CFAP47: variants seen among roughly 807,000 people sequenced by gnomAD.
CFAP47 encodes the protein cilia- and flagella-associated protein 47.
Under a neutral mutation model 148.1 loss-of-function variants are expected in CFAP47, and 29 were observed. The observed-to-expected ratio is 0.20, with a 90% CI of 0.15 to 0.27. The LOEUF is 0.27. Among genes scored for constraint, CFAP47 ranks in the 10% least tolerant of loss-of-function variants. The pLI, the probability that CFAP47 is intolerant of heterozygous loss-of-function variation, is 1.00. For synonymous variants in CFAP47, 664 were observed against 577.3 expected, an observed-to-expected ratio of 1.15 and a Z score of -2.15; for missense variants, 1,872 against 1,697.5, an observed-to-expected ratio of 1.10 and a Z score of -1.81.
At chrX:36,034,648 G>A (rs754469178) in intron 23 of CFAP47, among the ~76,000 whole-genome samples, 11 of 109,406 alleles carry the variant, frequency 1.0e-4, no homozygotes, top group Admixed American at 7.9e-4. Context: ...TTTCTGCTTT[G>A]GCCATTATAA....
At chrX:35,953,485 A>T in intron 6 of CFAP47, 107 bp from the exon 7 acceptor site, 1 of 580,290 alleles carries the variant, frequency 1.7e-6, no homozygotes, top group Non-Finnish European at 2.6e-6. Flanking sequence ...ATTCCTTAAC[A>T]TTCATTTGCT....
intron 56 of CFAP47, among the ~76,000 whole-genome samples, chrX:36,314,692 A>G (rs1052974063): frequency 2.0e-4 from 22 of 111,588 alleles, no homozygotes; most frequent in African/African-American, 7.2e-4. Flanking sequence ...TCTATCTATC[A>G]TCTATCTATT....
chrX:35,921,149 T>C (rs147060346), intron 1 of CFAP47, among the ~76,000 whole-genome samples: 1,704 of 111,997 alleles, frequency 0.015, 32 homozygotes, highest in African/African-American at 0.051. Flanking sequence ...ATATGTTCAC[T>C]ACCCCAGAAG....
Position 36,251,352 on chromosome X carries a change from T to C in CFAP47, c.7352T>C (p.Ile2451Thr), listed in dbSNP as rs1555998201. ...LTFKVTADLP[I>T]VWGNPQITVY... ...TTATAGGTAACTGCAGATCTTCCAA[T>C]AGTGTGGGGAAATCCACAAATTACA... The change falls in exon 49 of 64, where the codon ATA becomes ACA. Residue 2451 changes from isoleucine to threonine, a missense_variant. Transcript: ENST00000378653. The C allele has an allele frequency of 2.0e-6, 1 of 505,004 alleles. No homozygotes were observed. The highest frequency in any genetic ancestry group is 3.5e-6 in the Non-Finnish European group (1 of 282,140). The allele number at this position is 505,004 out of a possible 1,213,427, so 41.6% of individuals were successfully genotyped here.
chrX:36,194,202 C>A (rs1361943879), intron 42 of CFAP47, among the ~76,000 whole-genome samples: 1 of 111,631 alleles, frequency 9.0e-6, no homozygotes, highest in Non-Finnish European at 1.9e-5. Context: ...CAGTATACAG[C>A]CAATTTTCTA....
rs1168007344 is a variant in CFAP47 at position 36,318,769 on chromosome X, GACTCTTAATATCTACTTGTTGAGTATTTC to G, written c.8345-426_8345-398del. On this transcript the variant is annotated intron_variant, in intron 56 of 63. Coordinates refer to ENST00000378653, the MANE Select transcript of CFAP47 (RefSeq NM_001304548.2). ...TATTTTTAAACAGCAGGCTCAAATA[GACTCTTAATATCTACTTGTTGAGTATTTC>G]ACTCTTAATATCTGCTTGTTGAGTA... Among the ~76,000 whole-genome samples, 845 of 111,966 alleles carry G rather than the reference GACTCTTAATATCTACTTGTTGAGTATTTC, an allele frequency of 7.5e-3. 5 individuals are homozygous for G. The highest frequency in any genetic ancestry group is 0.021 in the African/African-American group (638 of 30,817).
intron 22 of CFAP47, among the ~76,000 whole-genome samples, chrX:36,020,544 C>T (rs906969811): frequency 1.8e-5 from 2 of 111,739 alleles, no homozygotes; most frequent in Non-Finnish European, 3.8e-5. Context: ...CATTTATAAT[C>T]GTTATATCTT....
chrX:36,146,943 A>G (rs1939243712), intron 36 of CFAP47, among the ~76,000 whole-genome samples: 1 of 110,432 alleles, frequency 9.1e-6, no homozygotes, highest in African/African-American at 3.3e-5. Context: ...CACCATGCCC[A>G]GCTAATTTTT....
Position 36,348,235 on chromosome X carries a change from T to G in CFAP47, c.8550T>G (p.Asn2850Lys), listed in dbSNP as rs1941714654. ...TMVIIEMTKA[N>K]GKYWPIDNFD... The stretch of plus-strand genomic sequence containing the variant: ...TTATTATTGAGATGACGAAAGCAAA[T>G]GGAAAATATTGGCCTATTGACAATT... Residue 2850 changes from asparagine to lysine, a missense_variant, in exon 58 of 64, where the codon AAT becomes AAG. Transcript: ENST00000378653. 1 of 1,057,673 alleles carries G rather than the reference T, an allele frequency of 9.5e-7. No homozygotes were observed. Among genetic ancestry groups the G allele is most frequent in the East Asian group, 3.9e-5 (1 of 25,382 alleles). The allele number at this position is 1,057,673 out of a possible 1,213,427, so 87.2% of individuals were successfully genotyped here.
At chrX:36,211,168 T>C in intron 45 of CFAP47, 1 of 261,006 alleles carries the variant, frequency 3.8e-6, no homozygotes, top group Non-Finnish European at 7.1e-6. Context: ...ATATGCATTT[T>C]TTGTGCAAAC....
chrX:36,175,868 C>G (rs1192916562), intron 39 of CFAP47, among the ~76,000 whole-genome samples: 2 of 113,623 alleles, frequency 1.8e-5, no homozygotes, highest in Non-Finnish European at 3.7e-5. Context: ...CCTAAGCAAG[C>G]CTGGGCAATG....
intron 27 of CFAP47, among the ~76,000 whole-genome samples, chrX:36,066,928 G>GA (rs1937649066): frequency 1.8e-5 from 2 of 111,296 alleles, no homozygotes; most frequent in Admixed American, 9.5e-5. Context: ...CCTTTAACAG[G>GA]AAAAAAAATT....
At chrX:36,356,721 G>C (rs182040098) in intron 60 of CFAP47, among the ~76,000 whole-genome samples, 1 of 111,550 alleles carries the variant, frequency 9.0e-6, no homozygotes, top group Admixed American at 9.6e-5. Flanking sequence ...TAGGAGTCAT[G>C]TTGACCATGC....
intron 8 of CFAP47, among the ~76,000 whole-genome samples, chrX:35,965,288 A>T (rs1936386793): frequency 9.0e-6 from 1 of 111,510 alleles, no homozygotes; most frequent in South Asian, 3.7e-4. Context: ...CTCACAGCCT[A>T]TATCAAGAGC....
chrX:36,100,175 A>C (rs1938350472), intron 32 of CFAP47, among the ~76,000 whole-genome samples: 1 of 111,416 alleles, frequency 9.0e-6, no homozygotes, highest in Non-Finnish European at 1.9e-5. Context: ...TGACCTGTGA[A>C]ATATGTCTTT....
chrX:36,303,418 C>T (rs1941317832), intron 53 of CFAP47, among the ~76,000 whole-genome samples: 1 of 110,795 alleles, frequency 9.0e-6, no homozygotes, highest in Non-Finnish European at 1.9e-5. Context: ...CTCCTGGCCT[C>T]AAGTGACCCT....
intron 53 of CFAP47, among the ~76,000 whole-genome samples, chrX:36,302,175 T>G: frequency 9.0e-6 from 1 of 110,619 alleles, no homozygotes; most frequent in African/African-American, 3.3e-5. Flanking sequence ...TGATTTTTAG[T>G]GTATTTTATT....
At chrX:36,043,680 G>A (rs10127301) in intron 25 of CFAP47, among the ~76,000 whole-genome samples, 9,137 of 112,405 alleles carry the variant, frequency 0.081, 928 homozygotes, top group African/African-American at 0.28. Context: ...GGGTACAGCT[G>A]TTGTGGCTGC....
At chrX:36,076,174 T>C (rs912522911) in intron 29 of CFAP47, among the ~76,000 whole-genome samples, 3 of 106,962 alleles carry the variant, frequency 2.8e-5, no homozygotes, top group Non-Finnish European at 5.7e-5. Flanking sequence ...CTTTTCTTTT[T>C]TTTCTTTTTT....
Sources: allele counts gnomAD v4.1 joint callset (sites outside exome capture counted in the v4.1 genomes callset), GRCh38; gene constraint gnomAD v4.1.1; transcripts MANE v1.5; gene names NCBI Gene and HGNC (gene_info 2026-07-23, HGNC 2026-07-21).